Variants in AKT3 observed in about 807,000 individuals in gnomAD.
AKT3 encodes AKT serine/threonine kinase 3.
A neutral mutation model predicts 65.3 loss-of-function variants in AKT3; 15 were observed. The ratio of observed to expected loss-of-function variants is 0.23; its 90% CI spans 0.15 to 0.35. The LOEUF (loss-of-function observed/expected upper bound fraction) is 0.35, where lower values mean the gene tolerates loss of function less well. Among genes scored for constraint, AKT3 ranks in the 10% least tolerant of loss-of-function variants. AKT3 has a pLI of 1.00. For missense variants in AKT3, 243 were observed against 576.5 expected (o/e 0.42, Z 5.92); for synonymous variants, 206 against 183.8 (o/e 1.12, Z -0.98).
chr1:243,516,634 C>T (rs952277223), intron 12 of AKT3, among the ~76,000 whole-genome samples: 9 of 152,110 alleles, frequency 5.9e-5, no homozygotes, highest in Admixed American at 1.3e-4. Context: ...TTCACTGAAG[C>T]CTCAAAACTC....
At chr1:243,749,721 T>C (rs1484635625) in intron 2 of AKT3, among the ~76,000 whole-genome samples, 3 of 152,224 alleles carry the variant, frequency 2.0e-5, no homozygotes, top group Non-Finnish European at 4.4e-5. Context: ...ATCATCTTTC[T>C]TTGGCTTGCT....
chr1:243,567,387 A>C (rs2148495321), intron 9 of AKT3, among the ~76,000 whole-genome samples: 1 of 152,082 alleles, frequency 6.6e-6, no homozygotes, highest in South Asian at 2.1e-4. Flanking sequence ...AGCTCACTGC[A>C]GCCTCAACCT....
At chr1:243,732,976 T>C (rs781323678) in intron 2 of AKT3, among the ~76,000 whole-genome samples, 14 of 152,234 alleles carry the variant, frequency 9.2e-5, no homozygotes, top group Non-Finnish European at 1.5e-4. Context: ...TAGCACCCAT[T>C]TGATGCTTTC....
chr1:243,539,506 G>A lies in AKT3; in HGVS notation c.1251+6004C>T, dbSNP rs570133524. On this transcript the variant is annotated intron_variant, in intron 12 of 13. Coordinates refer to ENST00000673466, the MANE Select transcript of AKT3 (RefSeq NM_005465.7). Reference sequence around the variant, plus strand: ...TACTGGGTTTTTGAGCATGGTGCCCGTAACTCCCACATTGTTCAAGGGTCA... The same window carrying A: ...TACTGGGTTTTTGAGCATGGTGCCCATAACTCCCACATTGTTCAAGGGTCA... Among the ~76,000 whole-genome samples, 17 of 152,180 alleles carry A rather than the reference G, an allele frequency of 1.1e-4. 1 individual carries two copies. Among genetic ancestry groups the A allele is most frequent in the South Asian group, 1.0e-3 (5 of 4,828 alleles).
intron 3 of AKT3, among the ~76,000 whole-genome samples, chr1:243,672,988 A>G (rs1683252797): frequency 6.6e-6 from 1 of 152,224 alleles, no homozygotes; most frequent in Non-Finnish European, 1.5e-5. Flanking sequence ...ATTTACTAAA[A>G]GAATTATAAG....
At chr1:243,560,325 T>C (rs1673684997) in intron 10 of AKT3, among the ~76,000 whole-genome samples, 1 of 152,150 alleles carries the variant, frequency 6.6e-6, no homozygotes, top group Admixed American at 6.6e-5. Flanking sequence ...ATACTTAATA[T>C]TCAATAAATA....
At chr1:243,545,390 C>T (rs554418171) in intron 12 of AKT3, 120 bp downstream of exon 12, 12 of 543,834 alleles carry the variant, frequency 2.2e-5, no homozygotes, top group Admixed American at 6.8e-5. Flanking sequence ...ACTTAAATGT[C>T]GGTAAAATGG....
intron 3 of AKT3, among the ~76,000 whole-genome samples, 199 bp downstream of exon 3, chr1:243,695,392 C>T (rs1220974574): frequency 6.6e-6 from 1 of 151,874 alleles, no homozygotes; most frequent in Non-Finnish European, 1.5e-5. Flanking sequence ...AAATATTAAA[C>T]TCTATTGCAT....
In AKT3 at chr1:243,499,896, C is replaced by T; in HGVS notation, c.*5353G>A. On this transcript the variant is annotated 3_prime_UTR_variant, in exon 14 of 14. Coordinates refer to ENST00000673466, the MANE Select transcript of AKT3 (RefSeq NM_005465.7). ...CGACCTTCCCAGGGTGACACCGCCTCAGCCTGCAGTGGGGCTGGTCCTCAT... is the reference window on the plus strand; with the variant it reads ...CGACCTTCCCAGGGTGACACCGCCTTAGCCTGCAGTGGGGCTGGTCCTCAT... 9.7e-7 allele frequency: 1 copy of T among 1,035,734 alleles called. No individual in the cohort carries two copies. The highest frequency in any genetic ancestry group is 1.3e-5 in the South Asian group (1 of 76,268). The allele number at this position is 1,035,734 out of a possible 1,614,324, so 64.2% of individuals were successfully genotyped here. A position where few individuals can be genotyped will look rare whatever the true frequency, so the allele number is the denominator to read the frequency against.
intron 2 of AKT3, among the ~76,000 whole-genome samples, chr1:243,751,340 T>C (rs557646917): frequency 3.3e-5 from 5 of 152,384 alleles, no homozygotes; most frequent in South Asian, 2.1e-4. Context: ...CAATGATAAA[T>C]GAAGCAGACA....
At chr1:243,811,658 T>C (rs1268020479) in intron 2 of AKT3, among the ~76,000 whole-genome samples, 2 of 152,094 alleles carry the variant, frequency 1.3e-5, no homozygotes, top group African/African-American at 2.4e-5. Flanking sequence ...CTTTACAGAA[T>C]TGGAAAAAAC....
At chr1:243,767,575 AAAG>A (rs1298659507) in intron 2 of AKT3, among the ~76,000 whole-genome samples, 3 of 152,146 alleles carry the variant, frequency 2.0e-5, no homozygotes, top group Admixed American at 1.3e-4. Context: ...ACTTCACAAG[AAAG>A]AAGTATTTTC....
chr1:243,645,959 T>A lies in AKT3; in HGVS notation c.363A>T (p.Pro121=), dbSNP rs1454809518. 1 of 1,612,526 alleles carries A rather than the reference T, an allele frequency of 6.2e-7. No homozygotes were observed. Among genetic ancestry groups the A allele is most frequent in the African/African-American group, 1.3e-5 (1 of 74,882 alleles). The change falls in exon 5 of 14, where the codon CCA becomes CCT. Residue 121 remains proline (P), a synonymous_variant. Coordinates refer to ENST00000673466, the MANE Select transcript of AKT3 (RefSeq NM_005465.7). ...RQEEERMNCS[P]TSQIDNIGEE... ...CTCCTATATTATCAATTTGTGAAGT[T>A]GGACTACAATTCATTCTCTCCTCTT...
chr1:243,688,247 T>G (rs1434345354), intron 3 of AKT3, among the ~76,000 whole-genome samples: 1 of 152,132 alleles, frequency 6.6e-6, no homozygotes. Context: ...GAATTTTGTA[T>G]GTAATTAAAC....
At chr1:243,609,865 C>T (rs937855179) in intron 8 of AKT3, among the ~76,000 whole-genome samples, 4 of 152,136 alleles carry the variant, frequency 2.6e-5, no homozygotes, top group Non-Finnish European at 2.9e-5. Flanking sequence ...TTAAGTACTC[C>T]GGGTTTAGAA....
At chr1:243,488,997 G>A (rs760731605) in intron 13 of AKT3, 3 of 1,613,228 alleles carry the variant, frequency 1.9e-6, no homozygotes, top group Non-Finnish European at 2.5e-6. Flanking sequence ...TTAATTCTGC[G>A]GTGGATTTTT....
At chr1:243,794,842 A>T (rs1691852144) in intron 2 of AKT3, among the ~76,000 whole-genome samples, 2 of 152,202 alleles carry the variant, frequency 1.3e-5, no homozygotes, top group African/African-American at 4.8e-5. Context: ...ACAACTACCC[A>T]CACCATAGGA....
At chr1:243,833,720 C>A (rs1377321490) in intron 2 of AKT3, among the ~76,000 whole-genome samples, 1 of 151,454 alleles carries the variant, frequency 6.6e-6, no homozygotes, top group African/African-American at 2.4e-5. Context: ...AAAAAAACCA[C>A]AATTATCAAA....
intron 13 of AKT3, among the ~76,000 whole-genome samples, chr1:243,491,118 G>A (rs537393589): frequency 1.5e-4 from 23 of 152,344 alleles, no homozygotes; most frequent in African/African-American, 5.5e-4. Flanking sequence ...GACTAGATCA[G>A]GAGAACGTGG....
Sources: allele counts gnomAD v4.1 joint callset (sites outside exome capture counted in the v4.1 genomes callset), GRCh38; gene constraint gnomAD v4.1.1; transcripts MANE v1.5; gene names NCBI Gene and HGNC (gene_info 2026-07-23, HGNC 2026-07-21).